SPMIP2: variants seen among roughly 807,000 people sequenced by gnomAD.
SPMIP2 encodes sperm microtubule inner protein 2.
At chr4:158,936,530 T>C in the SPMIP2 span, among the ~76,000 whole-genome samples, 1 of 152,256 alleles carries the variant, frequency 6.6e-6, no homozygotes, top group Admixed American at 6.5e-5. Context: ...CGATTTCTGC[T>C]CTTTCCATTT....
chr4:159,038,373 C>T, the SPMIP2 span, among the ~76,000 whole-genome samples: 5 of 152,132 alleles, frequency 3.3e-5, no homozygotes, highest in South Asian at 4.1e-4. Flanking sequence ...GTAATTTACA[C>T]TTCTGTTCTT....
At chr4:159,067,278 A>AT in the SPMIP2 span, among the ~76,000 whole-genome samples, 1 of 151,968 alleles carries the variant, frequency 6.6e-6, no homozygotes, top group African/African-American at 2.4e-5. Context: ...AGAACTTTTG[A>AT]TTTTTTTTGA....
the SPMIP2 span, among the ~76,000 whole-genome samples, chr4:158,935,369 T>C: frequency 6.6e-6 from 1 of 152,182 alleles, no homozygotes. Flanking sequence ...TGGGACACAA[T>C]GATTCCCTCC....
the SPMIP2 span, among the ~76,000 whole-genome samples, chr4:158,896,061 C>G: frequency 6.6e-6 from 1 of 152,182 alleles, no homozygotes; most frequent in Non-Finnish European, 1.5e-5. Flanking sequence ...GGTTTCACAC[C>G]TACAATCAAT....
the SPMIP2 span, among the ~76,000 whole-genome samples, chr4:158,900,257 CCAATTTTGTGGT>C: frequency 1.3e-5 from 2 of 152,110 alleles, no homozygotes; most frequent in Non-Finnish European, 2.9e-5. Flanking sequence ...TGTTTTACTT[CCAATTTTGTGGT>C]CAATTTTAGA....
chr4:159,034,017 G>T, the SPMIP2 span, among the ~76,000 whole-genome samples: 2 of 152,138 alleles, frequency 1.3e-5, no homozygotes, highest in Non-Finnish European at 2.9e-5. Context: ...TGTGCCTATA[G>T]TCCTAGCTAC....
chr4:158,966,501 A>G, the SPMIP2 span, among the ~76,000 whole-genome samples: 2 of 152,326 alleles, frequency 1.3e-5, no homozygotes, highest in South Asian at 4.1e-4. Context: ...CAGCCTAGCT[A>G]TGGAGTCATA....
chr4:159,017,558 C>T, the SPMIP2 span, among the ~76,000 whole-genome samples: 1 of 152,078 alleles, frequency 6.6e-6, no homozygotes, highest in Non-Finnish European at 1.5e-5. Context: ...TTCCTCCCAC[C>T]CCACCTAACA....
At chr4:159,030,631 G>A in the SPMIP2 span, among the ~76,000 whole-genome samples, 1 of 151,752 alleles carries the variant, frequency 6.6e-6, no homozygotes, top group Non-Finnish European at 1.5e-5. Flanking sequence ...TGAGTAGCTG[G>A]GATTACACGG....
chr4:159,021,512 G>A, the SPMIP2 span, among the ~76,000 whole-genome samples: 1 of 152,166 alleles, frequency 6.6e-6, no homozygotes, highest in Admixed American at 6.5e-5. Flanking sequence ...CCAATATATA[G>A]AATAAGATAA....
the SPMIP2 span, chr4:159,035,112 C>T: frequency 1.7e-4 from 266 of 1,607,974 alleles, 2 homozygotes; most frequent in South Asian, 1.9e-3. Flanking sequence ...AAGTCTTAAC[C>T]GTGCTACTGG....
At chr4:158,998,721 C>T in the SPMIP2 span, among the ~76,000 whole-genome samples, 1 of 152,068 alleles carries the variant, frequency 6.6e-6, no homozygotes, top group African/African-American at 2.4e-5. Flanking sequence ...CCGGTTTTAC[C>T]CACACTGGAA....
the SPMIP2 span, among the ~76,000 whole-genome samples, chr4:159,013,218 A>T: frequency 3.9e-5 from 6 of 152,222 alleles, no homozygotes; most frequent in Admixed American, 6.5e-5. Flanking sequence ...CATGAGATCC[A>T]GCCATCCCAG....
chr4:158,973,207 A>G, the SPMIP2 span: 20 of 1,613,606 alleles, frequency 1.2e-5, no homozygotes, highest in Non-Finnish European at 1.4e-5. Context: ...GCAGGCCTCC[A>G]TAAATATCTG....
At chr4:159,026,368 C>T in the SPMIP2 span, 1 of 754,190 alleles carries the variant, frequency 1.3e-6, no homozygotes, top group Non-Finnish European at 2.3e-6. Flanking sequence ...CAAAAAAACT[C>T]AGACTCTCTA....
chr4:159,032,944 T>C, the SPMIP2 span, among the ~76,000 whole-genome samples: 1 of 152,194 alleles, frequency 6.6e-6, no homozygotes, highest in Non-Finnish European at 1.5e-5. Flanking sequence ...ATTACTCTCC[T>C]AGGTATTTAC....
chr4:159,020,787 T>A, the SPMIP2 span, among the ~76,000 whole-genome samples: 159 of 152,206 alleles, frequency 1.0e-3, 1 homozygote, highest in Non-Finnish European at 1.9e-3. Flanking sequence ...GTTGAGACGG[T>A]GTCTCACTCT....
chr4:158,919,721 G>A, the SPMIP2 span, among the ~76,000 whole-genome samples: 1 of 152,128 alleles, frequency 6.6e-6, no homozygotes, highest in Non-Finnish European at 1.5e-5. Flanking sequence ...TGGGCTCACG[G>A]TTTCCTGCTT....
the SPMIP2 span, among the ~76,000 whole-genome samples, chr4:158,990,563 G>A: frequency 6.6e-6 from 1 of 152,232 alleles, no homozygotes; most frequent in East Asian, 1.9e-4. Flanking sequence ...CAGCCATAAA[G>A]ATGAGGTCAT....
Sources: gnomAD v4.1 joint callset for allele counts (sites outside exome capture counted in the v4.1 genomes callset) on GRCh38, gnomAD v4.1.1 for gene constraint, MANE v1.5 for transcripts, NCBI Gene and HGNC (gene_info 2026-07-23, HGNC 2026-07-21) for gene names.